FYB2: variants seen among roughly 807,000 people sequenced by gnomAD.
FYB2 encodes FYN-binding protein 2.
A neutral mutation model predicts 94.1 loss-of-function variants in FYB2; 103 were observed. The observed-to-expected ratio is 1.09, with a 90% CI of 0.93 to 1.29. FYB2 has a LOEUF of 1.29. Ranked by LOEUF, FYB2 falls within the 50% of genes most tolerant of loss-of-function variation. FYB2 has a pLI of 0.00. For synonymous variants in FYB2, 293 were observed against 287.9 expected (o/e 1.02, Z -0.18); for missense variants, 896 against 841.5 (o/e 1.06, Z -0.80).
rs113615783 is a variant in FYB2, at chr1:56,792,629, G to A, written c.184C>T (p.Arg62Cys). Residue 62 changes from arginine to cysteine, a missense_variant, in exon 2 of 20, where the codon CGC (arginine) becomes TGC (cysteine). Physicochemically the swap from Arg to Cys is radical, Grantham distance 180. Transcript: ENST00000343433. ...TCACTACTGGAACAGTATGGTGTGCGCTGCTTGTGGTTGGATGAGAGGGGT... is the reference window on the plus strand; with the variant it reads ...TCACTACTGGAACAGTATGGTGTGCACTGCTTGTGGTTGGATGAGAGGGGT... ...GKPLSSNHKQRTPYCSSSESQ... is the reference protein window; with the variant it reads ...GKPLSSNHKQCTPYCSSSESQ... 7.4e-5 allele frequency: 119 copies of A among 1,614,090 alleles called. No individual in the cohort carries two copies. The highest frequency in any genetic ancestry group is 4.5e-4 in the East Asian group (20 of 44,872).
intron 1 of FYB2, among the ~76,000 whole-genome samples, chr1:56,811,676 T>C (rs185235930): frequency 2.0e-5 from 3 of 152,300 alleles, no homozygotes; most frequent in Admixed American, 2.0e-4. Context: ...AAGACCAAAG[T>C]CACCCAGAGG....
At chr1:56,737,202 A>T (rs766785844) in intron 14 of FYB2, 55 bp from the exon 15 acceptor site, 2 of 1,347,176 alleles carry the variant, frequency 1.5e-6, no homozygotes, top group East Asian at 4.9e-5. Flanking sequence ...TTATATAAGC[A>T]CTGACTTTCC....
At chr1:56,759,446 G>T (rs1328175968) in intron 5 of FYB2, among the ~76,000 whole-genome samples, 1 of 152,068 alleles carries the variant, frequency 6.6e-6, no homozygotes, top group East Asian at 1.9e-4. Flanking sequence ...CAACAAAACT[G>T]CATAGCATGT....
chr1:56,789,346 A>G (rs1365576061), intron 2 of FYB2, among the ~76,000 whole-genome samples: 1 of 152,104 alleles, frequency 6.6e-6, no homozygotes, highest in African/African-American at 2.4e-5. Flanking sequence ...CATCTCTGCC[A>G]TTTCTACACC....
intron 2 of FYB2, among the ~76,000 whole-genome samples, chr1:56,789,482 G>C (rs1646212232): frequency 6.6e-6 from 1 of 152,112 alleles, no homozygotes; most frequent in South Asian, 2.1e-4. Context: ...ATTTGATTTA[G>C]ATAGCCTTAA....
intron 16 of FYB2, among the ~76,000 whole-genome samples, chr1:56,724,715 T>G (rs533492475): frequency 2.1e-4 from 32 of 152,118 alleles, no homozygotes; most frequent in Middle Eastern, 3.4e-3. Flanking sequence ...TCCAGCTTCA[T>G]CAGCTGCCCA....
At chr1:56,767,097 T>C (rs926954582) in intron 5 of FYB2, among the ~76,000 whole-genome samples, 1 of 152,208 alleles carries the variant, frequency 6.6e-6, no homozygotes, top group African/African-American at 2.4e-5. Flanking sequence ...GGGCTGTACA[T>C]GGGGAACCTA....
At chr1:56,803,470 G>C (rs1361732) in intron 1 of FYB2, among the ~76,000 whole-genome samples, 1 of 152,150 alleles carries the variant, frequency 6.6e-6, no homozygotes, top group African/African-American at 2.4e-5. Flanking sequence ...ATCAATGGTA[G>C]CTGGACTGAT....
At chr1:56,765,918 G>C (rs571973609) in intron 5 of FYB2, among the ~76,000 whole-genome samples, 1 of 152,316 alleles carries the variant, frequency 6.6e-6, no homozygotes, top group African/African-American at 2.4e-5. Context: ...CCCAGAAACA[G>C]AGGTCCACTT....
At chr1:56,771,185 T>C (rs898990808) in intron 4 of FYB2, among the ~76,000 whole-genome samples, 1 of 149,204 alleles carries the variant, frequency 6.7e-6, no homozygotes, top group African/African-American at 2.6e-5. Flanking sequence ...TACTGAAGCA[T>C]TATTTGAAAT....
At chr1:56,791,665 C>T (rs1309234796) in intron 2 of FYB2, among the ~76,000 whole-genome samples, 1 of 151,892 alleles carries the variant, frequency 6.6e-6, no homozygotes, top group African/African-American at 2.4e-5. Context: ...GGAAATAGAG[C>T]ATGGCTCGTA....
chr1:56,736,877 C>A (rs1240876687), intron 15 of FYB2, among the ~76,000 whole-genome samples: 1 of 152,070 alleles, frequency 6.6e-6, no homozygotes, highest in Non-Finnish European at 1.5e-5. Context: ...GAAACAAACT[C>A]AAAACCTCCA....
rs1351192854 is a variant in FYB2, at chr1:56,719,416, T to C, written c.*255A>G. ...TAAGTGCTCAAATGCTAACACATAC[T>C]GTTTCACATTCTCTTGAACTGACAG... On this transcript the variant is annotated 3_prime_UTR_variant, in exon 20 of 20. Transcript: ENST00000343433. 7 of 419,260 alleles carry C rather than the reference T, an allele frequency of 1.7e-5. No homozygotes were observed. 26.0% of individuals were successfully genotyped at this position (419,260 alleles called of 1,614,324 possible). A position where few individuals can be genotyped will look rare whatever the true frequency, so the allele number is the denominator to read the frequency against.
chr1:56,807,263 C>T (rs1426877844), intron 1 of FYB2, among the ~76,000 whole-genome samples: 5 of 152,212 alleles, frequency 3.3e-5, no homozygotes, highest in African/African-American at 9.6e-5. Context: ...CTGTGAGCCA[C>T]TTTATTGCTT....
At chr1:56,742,644 C>A (rs1387753633) in intron 11 of FYB2, among the ~76,000 whole-genome samples, 1 of 152,066 alleles carries the variant, frequency 6.6e-6, no homozygotes, top group Non-Finnish European at 1.5e-5. Flanking sequence ...TGGCTTTGGC[C>A]TAGCCCAACA....
rs372424482 is a variant in FYB2 at position 56,744,405 on chromosome 1, T to C, written c.1388-139A>G. ...AAAATTGGATTACAGTCTTGGTATG[T>C]ATGATCCTTGGGCAAGCCACTTCAC... On this transcript the variant is annotated intron_variant, in intron 9 of 19. Transcript: ENST00000343433. The C allele has an allele frequency of 5.4e-5, 35 of 643,896 alleles. 2 individuals carry two copies. In the African/African-American group the frequency reaches 5.8e-4, roughly 11 times the overall value. 39.9% of individuals were successfully genotyped at this position (643,896 alleles called of 1,614,324 possible).
chr1:56,765,110 G>C (rs917248033), intron 5 of FYB2, among the ~76,000 whole-genome samples: 1 of 152,156 alleles, frequency 6.6e-6, no homozygotes, highest in Non-Finnish European at 1.5e-5. Context: ...TCACTGCTGG[G>C]CAGAAGTAGG....
intron 1 of FYB2, among the ~76,000 whole-genome samples, chr1:56,805,081 T>A (rs1646612596): frequency 6.6e-6 from 1 of 152,204 alleles, no homozygotes; most frequent in African/African-American, 2.4e-5. Flanking sequence ...TTTTTCCAGT[T>A]CTTAGGTTGG....
intron 15 of FYB2, among the ~76,000 whole-genome samples, chr1:56,729,801 A>C (rs140759967): frequency 6.6e-6 from 1 of 152,152 alleles, no homozygotes; most frequent in Admixed American, 6.6e-5. Flanking sequence ...AGTATCAACA[A>C]GTTTTTAAAA....
Sources: gnomAD v4.1 joint callset for allele counts (sites outside exome capture counted in the v4.1 genomes callset) on GRCh38, gnomAD v4.1.1 for gene constraint, MANE v1.5 for transcripts, NCBI Gene and HGNC (gene_info 2026-07-23, HGNC 2026-07-21) for gene names.